TRPC4: variants seen among roughly 807,000 people sequenced by gnomAD.
TRPC4 encodes transient receptor potential cation channel subfamily C member 4.
Under a neutral mutation model 99.4 loss-of-function variants are expected in TRPC4, and 49 were observed. That is an observed-to-expected ratio of 0.49 (90% CI 0.39 to 0.63). TRPC4 has a LOEUF of 0.63. Ranked by LOEUF, TRPC4 falls within the 20% of genes least tolerant of loss-of-function variation. The probability of loss-of-function intolerance (pLI) is 0.00; values close to 1 mark genes in which losing one functional copy is unlikely to be tolerated. For missense variants in TRPC4, 898 were observed against 1,152.9 expected (o/e 0.78, Z 3.20); for synonymous variants, 454 against 425.9 (o/e 1.07, Z -0.81).
intron 1 of TRPC4, among the ~76,000 whole-genome samples, chr13:37,797,236 G>T (rs1454687623): frequency 2.0e-5 from 3 of 151,848 alleles, no homozygotes; most frequent in Non-Finnish European, 4.4e-5. Context: ...GCATGTTAGA[G>T]GTATCTAATC....
At chr13:37,639,657 C>T (rs1951654218) in intron 8 of TRPC4, among the ~76,000 whole-genome samples, 1 of 151,514 alleles carries the variant, frequency 6.6e-6, no homozygotes, top group Non-Finnish European at 1.5e-5. Context: ...TAAAAGTTTT[C>T]ATAAATATTA....
intron 8 of TRPC4, among the ~76,000 whole-genome samples, chr13:37,645,920 G>T (rs563467314): frequency 6.6e-6 from 1 of 152,320 alleles, no homozygotes; most frequent in African/African-American, 2.4e-5. Flanking sequence ...AAAAGGCCCT[G>T]CCAACAAATC....
chr13:37,779,471 C>G (rs1956784631), intron 2 of TRPC4, among the ~76,000 whole-genome samples: 1 of 151,394 alleles, frequency 6.6e-6, no homozygotes, highest in Non-Finnish European at 1.5e-5. Context: ...TGAAGGACTA[C>G]CTTAAATATG....
chr13:37,822,860 T>C (rs1958056711), intron 1 of TRPC4, among the ~76,000 whole-genome samples: 1 of 151,620 alleles, frequency 6.6e-6, no homozygotes, highest in South Asian at 2.1e-4. Flanking sequence ...ACTTCCACAA[T>C]TGTTGAACTA....
chr13:37,726,003 A>G (rs949847650), intron 3 of TRPC4, among the ~76,000 whole-genome samples: 6 of 152,012 alleles, frequency 3.9e-5, no homozygotes, highest in African/African-American at 2.4e-5. Context: ...GGAGACCAGC[A>G]TGGCCAATAT....
chr13:37,649,006 A>AT (rs11345629), intron 8 of TRPC4, among the ~76,000 whole-genome samples: 6 of 149,644 alleles, frequency 4.0e-5, no homozygotes, highest in African/African-American at 1.2e-4. Flanking sequence ...GTGAGTAGGT[A>AT]TTTTTTTTTT....
chr13:37,672,738 A>G lies in TRPC4; in HGVS notation c.1374+1490T>C, dbSNP rs141941433. Among the ~76,000 whole-genome samples, 1,012 of 152,360 alleles carry G rather than the reference A, an allele frequency of 6.6e-3. 14 individuals carry two copies. The highest frequency in any genetic ancestry group is 0.023 in the African/African-American group (972 of 41,588). ...GACTGCCTACCTCTTACAGAAATGC[A>G]TAATCTCCTTTGGTTAAAAGAGTAC... On this transcript the variant is annotated intron_variant, in intron 5 of 10. Coordinates refer to ENST00000379705, the MANE Select transcript of TRPC4 (RefSeq NM_016179.4).
chr13:37,814,296 T>C (rs539580692), intron 1 of TRPC4, among the ~76,000 whole-genome samples: 10 of 151,714 alleles, frequency 6.6e-5, no homozygotes, highest in African/African-American at 2.2e-4. Flanking sequence ...CACCATTTCT[T>C]GTCAACAATA....
chr13:37,652,578 T>G (rs1447963850), intron 7 of TRPC4, among the ~76,000 whole-genome samples: 1 of 34,394 alleles, frequency 2.9e-5, no homozygotes, highest in Non-Finnish European at 6.9e-5. Flanking sequence ...TTCCCTCCCT[T>G]TTTCCCTCCT....
intron 1 of TRPC4, among the ~76,000 whole-genome samples, chr13:37,836,742 TC>T (rs1271513134): frequency 2.0e-5 from 3 of 152,016 alleles, no homozygotes; most frequent in African/African-American, 7.3e-5. Flanking sequence ...GAAAAGAAAA[TC>T]CCATTGTTTG....
At chr13:37,784,988 T>G (rs1248814388) in intron 1 of TRPC4, among the ~76,000 whole-genome samples, 1 of 152,042 alleles carries the variant, frequency 6.6e-6, no homozygotes, top group East Asian at 1.9e-4. Flanking sequence ...AAAAAGTGAG[T>G]GTTCAATATG....
At position 37,637,006 on chromosome 13, in the gene TRPC4, A is replaced by AT; in HGVS notation, c.2830dup (p.Ile944AsnfsTer13). The AT allele has an allele frequency of 6.2e-7, 1 of 1,613,728 alleles. No homozygotes were observed. Among genetic ancestry groups the AT allele is most frequent in the Non-Finnish European group, 8.5e-7 (1 of 1,179,768 alleles). ...TTCTTTTGCATGTTTCTCCTTTGGT[A>AT]TTATAGGAACCGTGTCCTCCACCAC... On this transcript the variant is annotated frameshift_variant, in exon 11 of 11. Coordinates refer to ENST00000379705, the MANE Select transcript of TRPC4 (RefSeq NM_016179.4). LOFTEE classifies it high-confidence loss of function.
rs17068506 is a variant in TRPC4, at chr13:37,687,721, G to A, written c.1234+4278C>T. On this transcript the variant is annotated intron_variant, in intron 4 of 10. Coordinates refer to ENST00000379705, the MANE Select transcript of TRPC4 (RefSeq NM_016179.4). ...TAAGAGCCTCAGAGTCATGGAGAAC[G>A]TAAAAGTACCCAAGTCTCTGATCTT... Among the ~76,000 whole-genome samples the A allele has an allele frequency of 7.5e-3, 1,134 of 152,204 alleles. 19 individuals carry two copies. Among genetic ancestry groups the A allele is most frequent in the African/African-American group, 0.026 (1,088 of 41,528 alleles).
chr13:37,824,596 A>G (rs907505514), intron 1 of TRPC4, among the ~76,000 whole-genome samples: 3 of 151,820 alleles, frequency 2.0e-5, no homozygotes, highest in Non-Finnish European at 4.4e-5. Context: ...CGTATATTGA[A>G]CCAGCCTTGC....
chr13:37,636,781 C>T lies in TRPC4; in HGVS notation c.*122G>A. ...TTTAAACATGTTACAGGTAATATGC[C>T]ACAGCTGATAAACGCTATAAAGTGT... is the stretch of plus-strand genomic sequence containing the variant. On this transcript the variant is annotated 3_prime_UTR_variant, in exon 11 of 11. Coordinates refer to ENST00000379705, the MANE Select transcript of TRPC4 (RefSeq NM_016179.4). 6 of 1,201,718 alleles carry T rather than the reference C, an allele frequency of 5.0e-6. No individual in the cohort carries two copies. In the Admixed American group the frequency reaches 8.7e-5, roughly 17 times the overall value. The allele number at this position is 1,201,718 out of a possible 1,614,324, so 74.4% of individuals were successfully genotyped here. A position where few individuals can be genotyped will look rare whatever the true frequency, so the allele number is the denominator to read the frequency against.
At chr13:37,640,185 C>G (rs1394464638) in intron 8 of TRPC4, among the ~76,000 whole-genome samples, 1 of 151,840 alleles carries the variant, frequency 6.6e-6, no homozygotes, top group Non-Finnish European at 1.5e-5. Context: ...ATAAAAATAT[C>G]TCTATAATAA....
At position 37,753,931 on chromosome 13, in the gene TRPC4, C is replaced by T. The variant is rs535521803; in HGVS notation, c.379-7476G>A. 2.0e-5 allele frequency among the ~76,000 whole-genome samples: 3 copies of T among 152,146 alleles called. No homozygotes were observed. In the South Asian group the frequency reaches 6.2e-4, roughly 32 times the overall value. On this transcript the variant is annotated intron_variant, in intron 2 of 10. Transcript: ENST00000379705. ...TAAAGAGGCTTTTCTTACTGGTTTT[C>T]CAGGGAAGCCGAGCCTGCCACCTCA...
intron 5 of TRPC4, among the ~76,000 whole-genome samples, chr13:37,673,885 G>A (rs1292746246): frequency 6.6e-6 from 1 of 151,964 alleles, no homozygotes; most frequent in African/African-American, 2.4e-5. Context: ...AATAGATTTG[G>A]GTTGCCAAAA....
chr13:37,813,006 A>G (rs1387965506), intron 1 of TRPC4, among the ~76,000 whole-genome samples: 1 of 152,004 alleles, frequency 6.6e-6, no homozygotes, highest in Non-Finnish European at 1.5e-5. Context: ...ATATTGAAAA[A>G]AAAGTCAATC....
Sources: gnomAD v4.1 joint callset for allele counts (sites outside exome capture counted in the v4.1 genomes callset) on GRCh38, gnomAD v4.1.1 for gene constraint, MANE v1.5 for transcripts, NCBI Gene and HGNC (gene_info 2026-07-23, HGNC 2026-07-21) for gene names.